MGARP: variants seen among roughly 807,000 people sequenced by gnomAD.
MGARP encodes protein MGARP.
Under a neutral mutation model 11.0 loss-of-function variants are expected in MGARP, and 12 were observed. That is an observed-to-expected ratio of 1.09 (90% CI 0.70 to 1.77). The LOEUF (loss-of-function observed/expected upper bound fraction) is 1.77. MGARP is among the 40% of genes most tolerant of loss of function. The pLI, the probability that MGARP is intolerant of heterozygous loss-of-function variation, is 0.00. For synonymous variants in MGARP, 110 were observed against 115.4 expected (o/e 0.95, Z 0.30); for missense variants, 283 against 297.8 (o/e 0.95, Z 0.36).
intron 1 of MGARP, among the ~76,000 whole-genome samples, chr4:139,276,158 A>C (rs1744870341): frequency 6.6e-6 from 1 of 152,216 alleles, no homozygotes; most frequent in African/African-American, 2.4e-5. Flanking sequence ...CAAATTCTTT[A>C]TTTTAAAAAT....
chr4:139,279,630 G>C (rs544824492), intron 1 of MGARP, among the ~76,000 whole-genome samples: 1 of 152,140 alleles, frequency 6.6e-6, no homozygotes, highest in African/African-American at 2.4e-5. Flanking sequence ...CTCGCTGATC[G>C]GCGTCCACCT....
At chr4:139,278,152 G>A (rs1464296514) in intron 1 of MGARP, among the ~76,000 whole-genome samples, 1 of 152,056 alleles carries the variant, frequency 6.6e-6, no homozygotes, top group Non-Finnish European at 1.5e-5. Flanking sequence ...ACTTGGATCC[G>A]GGAGGCGGAG....
chr4:139,274,339 C>T (rs1273263592), intron 2 of MGARP, among the ~76,000 whole-genome samples: 2 of 151,894 alleles, frequency 1.3e-5, no homozygotes, highest in Non-Finnish European at 2.9e-5. Flanking sequence ...ACAAATGTTC[C>T]ACATCAGTGC....
intron 3 of MGARP, among the ~76,000 whole-genome samples, chr4:139,268,219 T>C (rs1354747894): frequency 6.6e-6 from 1 of 152,142 alleles, no homozygotes; most frequent in Non-Finnish European, 1.5e-5. Flanking sequence ...ATGGTCACCA[T>C]TTTATCAACT....
At chr4:139,270,407 A>T (rs1744761459) in intron 2 of MGARP, among the ~76,000 whole-genome samples, 1 of 151,670 alleles carries the variant, frequency 6.6e-6, no homozygotes, top group South Asian at 2.1e-4. Flanking sequence ...CAGGAGATGG[A>T]GACCATCCTG....
Position 139,280,134 on chromosome 4 carries a change from T to C in MGARP, c.25A>G (p.Lys9Glu), listed in dbSNP as rs1210223012. 8 of 1,611,496 alleles carry C rather than the reference T, an allele frequency of 5.0e-6. No homozygotes were observed. The highest frequency in any genetic ancestry group is 5.9e-6 in the Non-Finnish European group (7 of 1,179,606). MYLRRAVS[K>E]TLALPLRAPP... is the part of the protein sequence containing the mutation. ...GCCCTCAGCGGCAGCGCCAGAGTCT[T>C]GGAGACCGCCCTGCGGAGATACATC... The change falls in exon 1 of 4, where the codon AAG becomes GAG. Residue 9 changes from lysine to glutamate, a missense_variant. By Grantham distance (56) the Lys-to-Glu change is moderately conservative. Transcript: ENST00000398955.
At position 139,267,056 on chromosome 4, in the gene MGARP, C is replaced by T. The variant is rs1196955859; in HGVS notation, c.281-15G>A. 1.9e-6 allele frequency: 3 copies of T among 1,606,862 alleles called. No individual in the cohort carries two copies. The highest frequency in any genetic ancestry group is 2.6e-6 in the Non-Finnish European group (3 of 1,176,250). On this transcript the variant is annotated splice_polypyrimidine_tract_variant and intron_variant, in intron 3 of 3. Transcript: ENST00000398955. ...CTCCTTTTCACCTTTAAGAATTAGT[C>T]ATTAAGCAAGGTATTAATTTAAAGA... is the stretch of plus-strand genomic sequence containing the variant.
chr4:139,266,531 C>T lies in MGARP; in HGVS notation c.*68G>A. Reference sequence around the variant, plus strand: ...TCTTTTTTTTTTTAAACTAAGTGTACTAAAAACACAAAAGCACTTATCAGA... The same window carrying T: ...TCTTTTTTTTTTTAAACTAAGTGTATTAAAAACACAAAAGCACTTATCAGA... On this transcript the variant is annotated 3_prime_UTR_variant, in exon 4 of 4. Coordinates refer to ENST00000398955, the MANE Select transcript of MGARP (RefSeq NM_032623.4). 1 of 1,370,206 alleles carries T rather than the reference C, an allele frequency of 7.3e-7. No homozygotes were observed. The highest frequency in any genetic ancestry group is 1.4e-5 in the South Asian group (1 of 71,280). The allele number at this position is 1,370,206 out of a possible 1,614,324, so 84.9% of individuals were successfully genotyped here.
chr4:139,267,928 A>T (rs1431176421), intron 3 of MGARP, among the ~76,000 whole-genome samples: 1 of 152,228 alleles, frequency 6.6e-6, no homozygotes, highest in African/African-American at 2.4e-5. Flanking sequence ...AGCCTGGGCA[A>T]CATAGTGAGA....
At chr4:139,279,119 C>A (rs936518219) in intron 1 of MGARP, among the ~76,000 whole-genome samples, 1 of 152,184 alleles carries the variant, frequency 6.6e-6, no homozygotes. Flanking sequence ...AGCCGTCCCC[C>A]AGTCGTGAGT....
At position 139,268,667 on chromosome 4, in the gene MGARP, T is replaced by C. The variant is rs893789692; in HGVS notation, c.280+5A>G. The stretch of plus-strand genomic sequence containing the variant: ...TAAAAATAAAAAATTAAGAAATTCA[T>C]TTACCTTGAAATGGATGTATCTCTG... On this transcript the variant is annotated splice_donor_5th_base_variant and intron_variant, in intron 3 of 3. Transcript: ENST00000398955. 3.8e-6 allele frequency: 6 copies of C among 1,564,672 alleles called. No homozygotes were observed. In the African/African-American group the frequency reaches 8.2e-5, roughly 21 times the overall value.
chr4:139,273,229 A>T lies in MGARP; in HGVS notation c.186+2060T>A, dbSNP rs541405404. On this transcript the variant is annotated intron_variant, in intron 2 of 3. Transcript: ENST00000398955. ...CTTTTATTCTTTTTTATTTATTATT[A>T]TTTTTTTTGAGACAGGGTCTTGTTC... Among the ~76,000 whole-genome samples the T allele has an allele frequency of 1.3e-4, 19 of 150,682 alleles. 1 individual carries two copies. Among genetic ancestry groups the T allele is most frequent in the Admixed American group, 7.9e-4 (12 of 15,098 alleles).
intron 1 of MGARP, among the ~76,000 whole-genome samples, chr4:139,276,547 C>G (rs927216414): frequency 1.3e-5 from 2 of 152,054 alleles, no homozygotes; most frequent in African/African-American, 4.8e-5. Flanking sequence ...GATGAATATC[C>G]CTTATCTAAA....
chr4:139,269,297 A>G (rs1374909963), intron 2 of MGARP, among the ~76,000 whole-genome samples: 1 of 152,200 alleles, frequency 6.6e-6, no homozygotes, highest in Non-Finnish European at 1.5e-5. Context: ...GAAAACCTGT[A>G]CACAAATGTT....
chr4:139,272,467 G>A (rs1744798166), intron 2 of MGARP, among the ~76,000 whole-genome samples: 1 of 149,940 alleles, frequency 6.7e-6, no homozygotes, highest in Non-Finnish European at 1.5e-5. Flanking sequence ...GCTGAGGCAG[G>A]AGAATGGCGT....
rs1244209186 is a variant in MGARP, at chr4:139,266,882, G to C, written c.440C>G (p.Pro147Arg). Reference sequence around the variant, plus strand: ...TTCAGCACTGACTGCTGTGGTCTCCGGAGCAGCCTCCACGTGACCTGGACA... The same window carrying C: ...TTCAGCACTGACTGCTGTGGTCTCCCGAGCAGCCTCCACGTGACCTGGACA... ...SACPGHVEAA[P>R]ETTAVSAETG... The change falls in exon 4 of 4, where the codon CCG (proline) becomes CGG (arginine). Residue 147 changes from proline to arginine, a missense_variant. Pro to Arg is a moderately radical substitution (Grantham distance 103, BLOSUM62 -2). Transcript: ENST00000398955. The C allele has an allele frequency of 1.2e-6, 2 of 1,614,152 alleles. No individual in the cohort carries two copies. Among genetic ancestry groups the C allele is most frequent in the Non-Finnish European group, 8.5e-7 (1 of 1,180,030 alleles).
At chr4:139,278,163 G>T (rs916423738) in intron 1 of MGARP, among the ~76,000 whole-genome samples, 2 of 152,134 alleles carry the variant, frequency 1.3e-5, no homozygotes, top group Admixed American at 1.3e-4. Context: ...GGAGGCGGAG[G>T]TTGTGGTGAG....
chr4:139,266,620 C>G lies in MGARP; in HGVS notation c.702G>C (p.Glu234Asp). The G allele has an allele frequency of 6.2e-7, 1 of 1,613,584 alleles. No homozygotes were observed. Among genetic ancestry groups the G allele is most frequent in the Non-Finnish European group, 8.5e-7 (1 of 1,179,838 alleles). ...GAGATTAGCCTTGAGCCGAAGCAGC[C>G]TCAGAGCCAACACTGGCTTCCTCCT... ...DLQEEASVGSEAASAQG is the reference protein window; with the variant it reads ...DLQEEASVGSDAASAQG Residue 234 changes from glutamate to aspartate, a missense_variant, in exon 4 of 4, where the codon GAG becomes GAC. By Grantham distance (45) the Glu-to-Asp change is conservative (BLOSUM62 2). Coordinates refer to ENST00000398955, the MANE Select transcript of MGARP (RefSeq NM_032623.4).
Position 139,266,454 on chromosome 4 carries a change from T to C in MGARP, c.*145A>G. ...TCAAGTCTCTCAGTCCTAAAATCTATCAGTGGATGCCAAAAATCTTCAAGA... is the reference window on the plus strand; with the variant it reads ...TCAAGTCTCTCAGTCCTAAAATCTACCAGTGGATGCCAAAAATCTTCAAGA... On this transcript the variant is annotated 3_prime_UTR_variant, in exon 4 of 4. Coordinates refer to ENST00000398955, the MANE Select transcript of MGARP (RefSeq NM_032623.4). 1 of 702,086 alleles carries C rather than the reference T, an allele frequency of 1.4e-6. No individual in the cohort carries two copies. 43.5% of individuals were successfully genotyped at this position (702,086 alleles called of 1,614,324 possible).
Sources: gnomAD v4.1 joint callset for allele counts (sites outside exome capture counted in the v4.1 genomes callset) on GRCh38, gnomAD v4.1.1 for gene constraint, MANE v1.5 for transcripts, NCBI Gene and HGNC (gene_info 2026-07-23, HGNC 2026-07-21) for gene names.